KCTD16: variants seen among roughly 807,000 people sequenced by gnomAD.
KCTD16 encodes potassium channel tetramerization domain containing 16, also known as BTB/POZ domain-containing protein KCTD16.
KCTD16 carries 13 observed loss-of-function variants against 33.2 expected under a neutral mutation model. The observed-to-expected ratio is 0.39, with a 90% confidence interval of 0.25 to 0.62. The LOEUF (loss-of-function observed/expected upper bound fraction) is 0.62. KCTD16 is among the 20% of genes least tolerant of loss of function. KCTD16 has a pLI of 0.50. For synonymous variants in KCTD16, 197 were observed against 195.3 expected, an observed-to-expected ratio of 1.01 and a Z score of -0.07; for missense variants, 441 against 525.1, an observed-to-expected ratio of 0.84 and a Z score of 1.57.
intron 3 of KCTD16, among the ~76,000 whole-genome samples, chr5:144,244,552 T>A (rs1244027574): frequency 6.6e-6 from 1 of 152,230 alleles, no homozygotes; most frequent in African/African-American, 2.4e-5. Flanking sequence ...ATTTTTGCAC[T>A]TCCATATCAG....
At chr5:144,226,687 C>T (rs1011618764) in intron 3 of KCTD16, among the ~76,000 whole-genome samples, 1 of 152,108 alleles carries the variant, frequency 6.6e-6, no homozygotes, top group Non-Finnish European at 1.5e-5. Flanking sequence ...ATCTTCCCAC[C>T]TCAGCCACCC....
At chr5:144,235,997 A>G (rs1754241708) in intron 3 of KCTD16, among the ~76,000 whole-genome samples, 1 of 152,108 alleles carries the variant, frequency 6.6e-6, no homozygotes, top group South Asian at 2.1e-4. Flanking sequence ...CAGTGTATGA[A>G]GTCTAGAACT....
intron 3 of KCTD16, among the ~76,000 whole-genome samples, chr5:144,462,801 C>T (rs1441238532): frequency 6.6e-6 from 1 of 152,166 alleles, no homozygotes; most frequent in Non-Finnish European, 1.5e-5. Flanking sequence ...GTGGCACACC[C>T]TTGCTTTCAC....
At chr5:144,314,818 C>T (rs1479161476) in intron 3 of KCTD16, among the ~76,000 whole-genome samples, 1 of 152,124 alleles carries the variant, frequency 6.6e-6, no homozygotes, top group Admixed American at 6.5e-5. Context: ...ACATTTAAAC[C>T]TTGAAAACTT....
intron 3 of KCTD16, among the ~76,000 whole-genome samples, chr5:144,389,600 T>A (rs977289239): frequency 3.9e-5 from 6 of 152,052 alleles, no homozygotes; most frequent in Non-Finnish European, 8.8e-5. Flanking sequence ...AATGTAATAA[T>A]AATAGAAATA....
At chr5:144,175,892 A>G (rs1024278277) in intron 2 of KCTD16, among the ~76,000 whole-genome samples, 6 of 152,180 alleles carry the variant, frequency 3.9e-5, no homozygotes, top group African/African-American at 1.4e-4. Context: ...GTCTTTTTAA[A>G]AGCTATAAGG....
chr5:144,399,522 T>G (rs753362919), intron 3 of KCTD16, among the ~76,000 whole-genome samples: 64 of 152,154 alleles, frequency 4.2e-4, no homozygotes, highest in Non-Finnish European at 6.5e-4. Context: ...ACAAGTACAT[T>G]TTTGAATTGC....
intron 2 of KCTD16, among the ~76,000 whole-genome samples, chr5:144,176,842 A>G (rs955112399): frequency 1.3e-5 from 2 of 152,176 alleles, no homozygotes; most frequent in African/African-American, 4.8e-5. Context: ...TTCTGTTAGA[A>G]TTCTTCCTGA....
At chr5:144,251,804 T>C (rs187726302) in intron 3 of KCTD16, among the ~76,000 whole-genome samples, 260 of 152,338 alleles carry the variant, frequency 1.7e-3, no homozygotes, top group Non-Finnish European at 2.9e-3. Context: ...GTAAATCTAT[T>C]CTTGAAAAGT....
chr5:144,402,394 C>T (rs1028984377), intron 3 of KCTD16, among the ~76,000 whole-genome samples: 6 of 152,126 alleles, frequency 3.9e-5, no homozygotes, highest in African/African-American at 7.2e-5. Context: ...TTGCACCCTT[C>T]GTAGGCCAGG....
intron 2 of KCTD16, among the ~76,000 whole-genome samples, chr5:144,196,811 C>G (rs1752948607): frequency 6.6e-6 from 1 of 152,222 alleles, no homozygotes; most frequent in African/African-American, 2.4e-5. Flanking sequence ...GCTATTGGAA[C>G]TGCACATTGC....
intron 3 of KCTD16, chr5:144,377,632 G>A (rs1215732343): frequency 2.6e-5 from 4 of 152,128 alleles, no homozygotes; most frequent in East Asian, 3.8e-4. Flanking sequence ...GAGAAGAGAA[G>A]CCCTCCCTAA....
chr5:144,318,832 A>G (rs1009667985), intron 3 of KCTD16, among the ~76,000 whole-genome samples: 11 of 152,224 alleles, frequency 7.2e-5, no homozygotes, highest in Non-Finnish European at 1.3e-4. Context: ...ATGGGTTTAC[A>G]TGGTTCACAT....
chr5:144,248,924 A>G (rs1378994384), intron 3 of KCTD16, among the ~76,000 whole-genome samples: 1 of 152,214 alleles, frequency 6.6e-6, no homozygotes. Flanking sequence ...CTCTTAAAAT[A>G]AAAACTCAAG....
intron 3 of KCTD16, among the ~76,000 whole-genome samples, chr5:144,314,154 G>C (rs139681039): frequency 4.6e-5 from 7 of 152,108 alleles, no homozygotes; most frequent in Admixed American, 4.6e-4. Flanking sequence ...AACAAAAGAG[G>C]CTTGACAATT....
intron 3 of KCTD16, among the ~76,000 whole-genome samples, chr5:144,346,098 A>G (rs1042726971): frequency 3.3e-5 from 5 of 152,132 alleles, no homozygotes; most frequent in Non-Finnish European, 7.3e-5. Context: ...AATAAGTGGG[A>G]ACATGCAGTG....
At chr5:144,444,716 A>G (rs1415149546) in intron 3 of KCTD16, among the ~76,000 whole-genome samples, 1 of 151,778 alleles carries the variant, frequency 6.6e-6, no homozygotes, top group African/African-American at 2.4e-5. Flanking sequence ...ATAATTTAAT[A>G]TTATTTCATT....
At position 144,336,358 on chromosome 5, in the gene KCTD16, A is replaced by G. The variant is rs1752494279; in HGVS notation, c.832+128812A>G. On this transcript the variant is annotated intron_variant, in intron 3 of 3. Coordinates refer to ENST00000512467, the MANE Select transcript of KCTD16 (RefSeq NM_020768.4). ...CCACAATTGTGCACAAAGTCTGCTA[A>G]TCCAAGACTGGAACGGGCTGTGCAC... is the stretch of plus-strand genomic sequence containing the variant. Among the ~76,000 whole-genome samples the G allele has an allele frequency of 2.6e-5, 4 of 152,326 alleles. No homozygotes were observed. In the East Asian group the frequency reaches 5.8e-4, roughly 22 times the overall value.
rs34656558 is a variant in KCTD16, at chr5:144,270,630, TA to T, written c.832+63094del. ...AACCTAATTTTACAAGTAAAAGAAC[TA>T]AAAAAAAAAGGGCAAGCTAAACTCA... On this transcript the variant is annotated intron_variant, in intron 3 of 3. Coordinates refer to ENST00000512467, the MANE Select transcript of KCTD16 (RefSeq NM_020768.4). 2.2e-3 allele frequency among the ~76,000 whole-genome samples: 304 copies of T among 138,912 alleles called. 1 individual carries two copies. The highest frequency in any genetic ancestry group is 6.5e-3 in the African/African-American group (247 of 37,796). The allele number at this position is 138,912 out of a possible 152,430, so 91.1% of individuals were successfully genotyped here.
Sources: gnomAD v4.1 joint callset for allele counts (sites outside exome capture counted in the v4.1 genomes callset) on GRCh38, gnomAD v4.1.1 for gene constraint, MANE v1.5 for transcripts, NCBI Gene and HGNC (gene_info 2026-07-23, HGNC 2026-07-21) for gene names.